Variants in BICD1 observed in about 807,000 individuals in gnomAD.
BICD1 encodes BICD cargo adaptor 1, also known as protein bicaudal D homolog 1.
In BICD1, 35 loss-of-function variants were observed where a neutral mutation model predicts 92.5. The ratio of observed to expected loss-of-function variants is 0.38; its 90% CI spans 0.29 to 0.50. BICD1 has a LOEUF of 0.50. Ranked by LOEUF, BICD1 falls within the 20% of genes least tolerant of loss-of-function variation. The probability of loss-of-function intolerance (pLI) is 0.93; values close to 1 mark genes in which losing one functional copy is unlikely to be tolerated. For missense variants in BICD1, 950 were observed against 1,189.8 expected (o/e 0.80, Z 2.97); for synonymous variants, 429 against 465.1 (o/e 0.92, Z 1.00).
chr12:32,346,753 C>T (rs1244399156), intron 8 of BICD1, among the ~76,000 whole-genome samples: 1 of 145,622 alleles, frequency 6.9e-6, no homozygotes, highest in Non-Finnish European at 1.5e-5. Flanking sequence ...TACAGCATAT[C>T]TTGATTTGAA....
chr12:32,207,513 A>T, intron 1 of BICD1, among the ~76,000 whole-genome samples: 1 of 152,136 alleles, frequency 6.6e-6, no homozygotes, highest in South Asian at 2.1e-4. Context: ...TATGTGATAG[A>T]TTTTTTTTAA....
chr12:32,242,994 T>C (rs78796177), intron 2 of BICD1, among the ~76,000 whole-genome samples: 7,138 of 152,288 alleles, frequency 0.047, 223 homozygotes, highest in Middle Eastern at 0.11. Context: ...TCCTTACATG[T>C]GACATACTTG....
At chr12:32,376,545 T>C (rs1404180827) in intron 9 of BICD1, among the ~76,000 whole-genome samples, 2 of 151,970 alleles carry the variant, frequency 1.3e-5, no homozygotes, top group African/African-American at 4.8e-5. Context: ...CAGGCGTCGT[T>C]TGGAAAGTTA....
chr12:32,280,074 G>A (rs12230502), intron 2 of BICD1, among the ~76,000 whole-genome samples: 15,934 of 151,282 alleles, frequency 0.11, 1,007 homozygotes, highest in East Asian at 0.22. Context: ...CGCCAGCCTG[G>A]GCAACAAGAG....
At chr12:32,288,893 C>T (rs1164422958) in intron 2 of BICD1, among the ~76,000 whole-genome samples, 1 of 151,796 alleles carries the variant, frequency 6.6e-6, no homozygotes, top group Non-Finnish European at 1.5e-5. Context: ...GTAATTTTAA[C>T]ATGTTCGGTG....
At chr12:32,175,340 G>A (rs1281539565) in intron 1 of BICD1, among the ~76,000 whole-genome samples, 1 of 151,922 alleles carries the variant, frequency 6.6e-6, no homozygotes, top group Non-Finnish European at 1.5e-5. Flanking sequence ...CTTCTGAAAT[G>A]GGGTTTTGCT....
At chr12:32,322,353 C>A (rs1948682234) in intron 4 of BICD1, among the ~76,000 whole-genome samples, 1 of 151,976 alleles carries the variant, frequency 6.6e-6, no homozygotes, top group Non-Finnish European at 1.5e-5. Flanking sequence ...TTTTTTGGAC[C>A]AGTGATCTGT....
At chr12:32,126,686 G>A (rs1457035241) in intron 1 of BICD1, among the ~76,000 whole-genome samples, 6 of 151,976 alleles carry the variant, frequency 3.9e-5, no homozygotes, top group South Asian at 2.1e-4. Context: ...GAACCCGGGA[G>A]GTGAAGGTTG....
chr12:32,332,379 A>G (rs1194311952), intron 5 of BICD1: 1 of 933,060 alleles, frequency 1.1e-6, no homozygotes, highest in Non-Finnish European at 1.3e-6. Flanking sequence ...CCCTGAACTT[A>G]AAAGTTAAAA....
At chr12:32,188,562 A>C (rs1418395990) in intron 1 of BICD1, among the ~76,000 whole-genome samples, 2 of 152,360 alleles carry the variant, frequency 1.3e-5, no homozygotes, top group East Asian at 3.9e-4. Context: ...TTACCTGCCA[A>C]CATTTAAGAG....
chr12:32,337,979 A>T lies in BICD1; in HGVS notation c.2570+163A>T, dbSNP rs941748578. On this transcript the variant is annotated intron_variant, in intron 7 of 9. Transcript: ENST00000652176. This position sits in a 1 kb window ranked among gnomAD's most constrained non-coding sequence, Gnocchi z 4.7. ...CTAATGTGGGTCTTTCCAGATCAAA[A>T]CCTTTTTGATAATTGTGTTTATGTA... is the stretch of plus-strand genomic sequence containing the variant. 6 of 703,120 alleles carry T rather than the reference A, an allele frequency of 8.5e-6. No individual in the cohort carries two copies. The highest frequency in any genetic ancestry group is 1.4e-5 in the Non-Finnish European group (6 of 430,402). 43.6% of individuals were successfully genotyped at this position (703,120 alleles called of 1,614,324 possible).
chr12:32,216,110 T>G, intron 1 of BICD1, 137 bp from the exon 2 acceptor site: 1 of 695,440 alleles, frequency 1.4e-6, no homozygotes, highest in East Asian at 2.7e-5. Flanking sequence ...TGAGAGCTGC[T>G]AGACTGTTAT....
At chr12:32,119,911 T>C (rs1180602958) in intron 1 of BICD1, among the ~76,000 whole-genome samples, 1 of 152,140 alleles carries the variant, frequency 6.6e-6, no homozygotes, top group Non-Finnish European at 1.5e-5. Flanking sequence ...TATGAGCTAA[T>C]ACATAAACCT....
chr12:32,176,668 G>A (rs1944098239), intron 1 of BICD1, among the ~76,000 whole-genome samples: 1 of 152,076 alleles, frequency 6.6e-6, no homozygotes. Flanking sequence ...CATACAGTAT[G>A]TACTCCTTTG....
chr12:32,354,830 T>C (rs986542895), intron 8 of BICD1, among the ~76,000 whole-genome samples: 8 of 152,242 alleles, frequency 5.3e-5, no homozygotes, highest in African/African-American at 1.9e-4. Context: ...TAAATGTTTC[T>C]ATCTCATGCT....
chr12:32,201,307 A>T lies in BICD1; in HGVS notation c.214-14940A>T, dbSNP rs1029026493. Among the ~76,000 whole-genome samples the T allele has an allele frequency of 2.1e-4, 32 of 152,240 alleles. 1 individual carries two copies. The highest frequency in any genetic ancestry group is 6.5e-5 in the Admixed American group (1 of 15,286). On this transcript the variant is annotated intron_variant, in intron 1 of 9. Coordinates refer to ENST00000652176, the MANE Select transcript of BICD1 (RefSeq NM_001714.4). ...CAGTTAATTTTCTTGAGCTGAATCA[A>T]ATGAATGTCTTAACAAGTTGTCCTT...
At chr12:32,127,841 C>G (rs967425467) in intron 1 of BICD1, among the ~76,000 whole-genome samples, 1 of 151,846 alleles carries the variant, frequency 6.6e-6, no homozygotes, top group Non-Finnish European at 1.5e-5. Flanking sequence ...CAGACAAGCT[C>G]CAGCAAGGGA....
intron 4 of BICD1, among the ~76,000 whole-genome samples, chr12:32,310,634 C>T (rs1948346704): frequency 6.6e-6 from 1 of 152,014 alleles, no homozygotes; most frequent in African/African-American, 2.4e-5. Flanking sequence ...TGACTACGTG[C>T]AAGCAGTCAT....
chr12:32,134,642 C>G (rs1263974644), intron 1 of BICD1, among the ~76,000 whole-genome samples: 1 of 152,146 alleles, frequency 6.6e-6, no homozygotes, highest in Non-Finnish European at 1.5e-5. Flanking sequence ...GTTTTCAGCA[C>G]CGCGACTCTG....
Sources: allele counts gnomAD v4.1 joint callset (sites outside exome capture counted in the v4.1 genomes callset), GRCh38; gene constraint gnomAD v4.1.1; non-coding constraint Gnocchi (gnomAD v3.1); transcripts MANE v1.5; gene names NCBI Gene and HGNC (gene_info 2026-07-23, HGNC 2026-07-21).